Variants in TRPC3 observed in about 807,000 individuals in gnomAD.
TRPC3 encodes transient receptor potential cation channel subfamily C member 3.
Under a neutral mutation model 90.9 loss-of-function variants are expected in TRPC3, and 54 were observed. That is an observed-to-expected ratio of 0.59 (90% CI 0.48 to 0.75). The LOEUF is 0.75. Ranked by LOEUF, TRPC3 falls within the 30% of genes least tolerant of loss-of-function variation. TRPC3 has a pLI of 0.00. For synonymous variants in TRPC3, 424 were observed against 450.9 expected, an observed-to-expected ratio of 0.94 and a Z score of 0.75; for missense variants, 918 against 1,194.5, an observed-to-expected ratio of 0.77 and a Z score of 3.41.
intron 3 of TRPC3, 26 bp downstream of exon 3, chr4:121,924,992 C>A: frequency 6.3e-7 from 1 of 1,590,046 alleles, no homozygotes; most frequent in Non-Finnish European, 8.6e-7. Flanking sequence ...TCTAATATGG[C>A]ACTAGATGAA....
Position 121,876,935 on chromosome 4 carries a change from A to G in TRPC3, c.*2801T>C, listed in dbSNP as rs1727777442. The stretch of plus-strand genomic sequence containing the variant: ...GTAAAAAATGAGAGATGTCCTAAGG[A>G]AAAAAGAGTCCTGGGGCTTTGACAA... On this transcript the variant is annotated 3_prime_UTR_variant, in exon 12 of 12. Transcript: ENST00000379645. Among the ~76,000 whole-genome samples the G allele has an allele frequency of 6.6e-6, 1 of 152,332 alleles. No individual in the cohort carries two copies. Among genetic ancestry groups the G allele is most frequent in the South Asian group, 2.1e-4 (1 of 4,828 alleles).
In TRPC3 at chr4:121,907,375, A is replaced by T; in HGVS notation, c.1985T>A (p.Phe662Tyr). Residue 662 changes from phenylalanine to tyrosine, a missense_variant, in exon 7 of 12, where the codon TTT becomes TAT. Transcript: ENST00000379645. Reference sequence around the variant, plus strand: ...TATGAACATGCCAATCATAAAGGCAAAAAACACCATAATAAAGAGGACCAT... The same window carrying T: ...TATGAACATGCCAATCATAAAGGCATAAAACACCATAATAAAGAGGACCAT... The part of the protein sequence containing the change: ...KFMVLFIMVF[F>Y]AFMIGMFILY... The T allele has an allele frequency of 3.7e-6, 6 of 1,613,496 alleles. No homozygotes were observed. Among genetic ancestry groups the T allele is most frequent in the Non-Finnish European group, 5.1e-6 (6 of 1,179,538 alleles).
chr4:121,881,365 T>C (rs1365517769), intron 11 of TRPC3, among the ~76,000 whole-genome samples: 1 of 152,114 alleles, frequency 6.6e-6, no homozygotes, highest in Admixed American at 6.6e-5. Context: ...GTTTTAGCCA[T>C]ACAGTTCTTC....
At chr4:121,929,003 T>A (rs2149139386) in intron 2 of TRPC3, among the ~76,000 whole-genome samples, 1 of 152,346 alleles carries the variant, frequency 6.6e-6, no homozygotes, top group Non-Finnish European at 1.5e-5. Context: ...TATTGTGGAA[T>A]TCACTTTACC....
intron 1 of TRPC3, among the ~76,000 whole-genome samples, chr4:121,948,426 G>T (rs887049161): frequency 2.0e-5 from 3 of 150,724 alleles, no homozygotes; most frequent in African/African-American, 7.3e-5. Flanking sequence ...CTATTACAGA[G>T]TCTAATCTCA....
At chr4:121,926,488 C>A (rs2149137583) in intron 2 of TRPC3, among the ~76,000 whole-genome samples, 1 of 151,844 alleles carries the variant, frequency 6.6e-6, no homozygotes, top group East Asian at 1.9e-4. Flanking sequence ...CTCACTGCAA[C>A]CTCCGCCTCC....
chr4:121,903,001 C>A lies in TRPC3; in HGVS notation c.2314G>T (p.Asp772Tyr), dbSNP rs760224432. 2 of 1,613,360 alleles carry A rather than the reference C, an allele frequency of 1.2e-6. No homozygotes were observed. The highest frequency in any genetic ancestry group is 8.5e-7 in the Non-Finnish European group (1 of 1,179,684). ...AAAGGTGGAGGTAATGTTTTTCCAT[C>A]ATCAAAATAGGATAACCAAAGTTTT... ...RSKLWLSYFDDGKTLPPPFSL... is the reference protein window; with the variant it reads ...RSKLWLSYFDYGKTLPPPFSL... Residue 772 changes from aspartate (D) to tyrosine (Y), a missense_variant, in exon 9 of 12, where the codon GAT becomes TAT. By Grantham distance (160) the Asp-to-Tyr change is radical. Coordinates refer to ENST00000379645, the MANE Select transcript of TRPC3 (RefSeq NM_001130698.2).
chr4:121,895,457 CAG>C (rs1386099443), intron 10 of TRPC3, among the ~76,000 whole-genome samples: 4 of 151,712 alleles, frequency 2.6e-5, no homozygotes, highest in East Asian at 3.9e-4. Flanking sequence ...AACTTAAAAA[CAG>C]AGAGATATGA....
Position 121,875,517 on chromosome 4 carries a change from C to CT in TRPC3, c.*4218dup, listed in dbSNP as rs1159707329. On this transcript the variant is annotated 3_prime_UTR_variant, in exon 12 of 12. Transcript: ENST00000379645. ...AAGTTAAATTACCACTGTGTGTCCT[C>CT]TTTTTAAAGATGTTTTAGGGTATCA... Among the ~76,000 whole-genome samples the CT allele has an allele frequency of 6.6e-6, 1 of 151,956 alleles. No homozygotes were observed. The highest frequency in any genetic ancestry group is 1.5e-5 in the Non-Finnish European group (1 of 67,982).
intron 9 of TRPC3, among the ~76,000 whole-genome samples, chr4:121,900,480 G>A (rs1728664030): frequency 6.6e-6 from 1 of 152,152 alleles, no homozygotes; most frequent in South Asian, 2.1e-4. Context: ...AAGAGATAAG[G>A]AAGTGCCACT....
In TRPC3 at chr4:121,925,041, C is replaced by A; in HGVS notation, c.1153G>T (p.Ala385Ser). ...ACCTTTTTGACTTCATACTTAATGG[C>A]AAGTTTGACACGACTTAATGAAGCT... ...HKASLSRVKL[A>S]IKYEVKKFVA... The change falls in exon 3 of 12, where the codon GCC becomes TCC. Residue 385 changes from alanine (A) to serine (S), a missense_variant. By Grantham distance (99) the Ala-to-Ser change is moderately conservative. Transcript: ENST00000379645. 6.2e-7 allele frequency: 1 copy of A among 1,612,454 alleles called. No homozygotes were observed. The highest frequency in any genetic ancestry group is 1.7e-4 in the Middle Eastern group (1 of 6,056).
chr4:121,949,578 A>C (rs1459825554), intron 1 of TRPC3, among the ~76,000 whole-genome samples: 4 of 152,212 alleles, frequency 2.6e-5, no homozygotes, highest in Non-Finnish European at 5.9e-5. Flanking sequence ...ATAAACAGCT[A>C]ATCTCTGTTA....
At chr4:121,881,679 T>A (rs1295086770) in intron 11 of TRPC3, among the ~76,000 whole-genome samples, 1 of 152,138 alleles carries the variant, frequency 6.6e-6, no homozygotes, top group Non-Finnish European at 1.5e-5. Flanking sequence ...ATAGATTTAG[T>A]GGCATCTCAT....
intron 1 of TRPC3, among the ~76,000 whole-genome samples, chr4:121,944,312 AT>A (rs1730417857): frequency 6.7e-6 from 1 of 150,248 alleles, no homozygotes; most frequent in African/African-American, 2.5e-5. Context: ...GAGCTAGGAA[AT>A]TTAAAGGATT....
chr4:121,885,158 A>G (rs1728069530), intron 10 of TRPC3, among the ~76,000 whole-genome samples: 1 of 152,186 alleles, frequency 6.6e-6, no homozygotes, highest in South Asian at 2.1e-4. Context: ...CACACATGAC[A>G]CTACCTGGTA....
At chr4:121,924,212 GAAT>G (rs1271896098) in intron 3 of TRPC3, among the ~76,000 whole-genome samples, 1 of 152,090 alleles carries the variant, frequency 6.6e-6, no homozygotes, top group Non-Finnish European at 1.5e-5. Flanking sequence ...TAGATAAAAT[GAAT>G]AATAACATAG....
intron 3 of TRPC3, among the ~76,000 whole-genome samples, chr4:121,918,221 C>T (rs927198171): frequency 3.3e-5 from 5 of 152,220 alleles, no homozygotes; most frequent in African/African-American, 4.8e-5. Flanking sequence ...ACTACCAAAC[C>T]TGCTGGTGCC....
At chr4:121,895,739 T>G (rs894414995) in intron 10 of TRPC3, among the ~76,000 whole-genome samples, 1 of 152,074 alleles carries the variant, frequency 6.6e-6, no homozygotes, top group Non-Finnish European at 1.5e-5. Flanking sequence ...ACCAAATGGT[T>G]TCACTGCTGA....
intron 1 of TRPC3, among the ~76,000 whole-genome samples, chr4:121,947,554 GGTGA>G (rs1730536212): frequency 6.6e-6 from 1 of 152,130 alleles, no homozygotes; most frequent in Non-Finnish European, 1.5e-5. Context: ...ATCATATAAA[GGTGA>G]GTATCAGAAG....
Sources: gnomAD v4.1 joint callset for allele counts (sites outside exome capture counted in the v4.1 genomes callset) on GRCh38, gnomAD v4.1.1 for gene constraint, MANE v1.5 for transcripts, NCBI Gene and HGNC (gene_info 2026-07-23, HGNC 2026-07-21) for gene names.